Variants in LYRM4 observed in about 807,000 individuals in gnomAD.
LYRM4 encodes the protein LYR motif-containing protein 4.
A neutral mutation model predicts 11.7 loss-of-function variants in LYRM4; 9 were observed. The observed-to-expected ratio is 0.77, with a 90% CI of 0.46 to 1.34. The LOEUF is 1.34. Among genes scored for constraint, LYRM4 ranks in the 40% most tolerant of loss-of-function variants. The pLI is 0.00. For synonymous variants in LYRM4, 42 were observed against 40.4 expected, an observed-to-expected ratio of 1.04 and a Z score of -0.15; for missense variants, 133 against 112.5, an observed-to-expected ratio of 1.18 and a Z score of -0.82.
chr6:5,252,064 C>A (rs1309498264), intron 1 of LYRM4, among the ~76,000 whole-genome samples: 1 of 152,158 alleles, frequency 6.6e-6, no homozygotes, highest in Admixed American at 6.5e-5. Context: ...GTAAGCGAGA[C>A]CTGACGTTGA....
intron 2 of LYRM4, among the ~76,000 whole-genome samples, chr6:5,210,888 C>A (rs1463865600): frequency 6.6e-6 from 1 of 152,084 alleles, no homozygotes; most frequent in African/African-American, 2.4e-5. Context: ...TATGTATATA[C>A]TATATCCTGT....
downstream of LYRM4, among the ~76,000 whole-genome samples, chr6:5,101,104 T>A (rs1762486268): frequency 6.6e-6 from 1 of 152,140 alleles, no homozygotes; most frequent in Non-Finnish European, 1.5e-5. Flanking sequence ...TTCCCTTGCA[T>A]AGCAGCTCCC....
At chr6:5,069,314 T>C in the LYRM4 span, among the ~76,000 whole-genome samples, 1 of 151,938 alleles carries the variant, frequency 6.6e-6, no homozygotes, top group African/African-American at 2.4e-5. Context: ...AACTCAGATA[T>C]TGTAAAGATA....
chr6:5,189,697 C>T (rs934323166), intron 2 of LYRM4, among the ~76,000 whole-genome samples: 7 of 152,114 alleles, frequency 4.6e-5, no homozygotes, highest in Admixed American at 1.3e-4. Flanking sequence ...AATTTGTCTA[C>T]GATGCTAGCC....
At chr6:5,160,891 G>A (rs1758720555) in intron 2 of LYRM4, among the ~76,000 whole-genome samples, 1 of 152,130 alleles carries the variant, frequency 6.6e-6, no homozygotes, top group African/African-American at 2.4e-5. Flanking sequence ...GTGATGGGGA[G>A]CAAACGATTT....
intron 1 of LYRM4, among the ~76,000 whole-genome samples, chr6:5,250,439 A>G (rs756642961): frequency 1.2e-4 from 19 of 152,212 alleles, no homozygotes; most frequent in Non-Finnish European, 2.8e-4. Context: ...AATATCTTAA[A>G]TATTTTCTAC....
At chr6:5,087,715 G>T in the LYRM4 span, 1 of 152,402 alleles carries the variant, frequency 6.6e-6, no homozygotes, top group Non-Finnish European at 1.5e-5. Flanking sequence ...TCAGTGCTGC[G>T]CAGACGCAGA....
intron 2 of LYRM4, among the ~76,000 whole-genome samples, chr6:5,129,886 A>G (rs1329014152): frequency 6.6e-6 from 1 of 152,272 alleles, no homozygotes; most frequent in East Asian, 1.9e-4. Context: ...CAACAGGCCA[A>G]GTCAGAGAGA....
chr6:5,079,248 A>G, the LYRM4 span, among the ~76,000 whole-genome samples: 35 of 152,368 alleles, frequency 2.3e-4, no homozygotes, highest in Admixed American at 4.6e-4. Flanking sequence ...AAACTGTCAG[A>G]AAGTAACTAG....
At chr6:5,207,421 G>C (rs1330677036) in intron 2 of LYRM4, among the ~76,000 whole-genome samples, 1 of 152,148 alleles carries the variant, frequency 6.6e-6, no homozygotes, top group Non-Finnish European at 1.5e-5. Context: ...CACCACAGAG[G>C]GTGCAACACA....
intron 2 of LYRM4, among the ~76,000 whole-genome samples, chr6:5,212,368 C>T (rs1225722914): frequency 6.6e-6 from 1 of 152,204 alleles, no homozygotes; most frequent in Non-Finnish European, 1.5e-5. Context: ...TTTGCTGTTC[C>T]TGATGTAAAA....
intron 2 of LYRM4, among the ~76,000 whole-genome samples, chr6:5,165,539 CTATTTT>C (rs10543969): frequency 0.37 from 55,189 of 150,782 alleles, 10,975 homozygotes; most frequent in East Asian, 0.59. Flanking sequence ...TTTTTTTTTC[CTATTTT>C]TAATTTTTTT....
intron 1 of LYRM4, among the ~76,000 whole-genome samples, chr6:5,235,782 CT>C (rs35195247): frequency 0.049 from 7,468 of 152,244 alleles, 604 homozygotes; most frequent in African/African-American, 0.16. Flanking sequence ...AAGGTCTGTT[CT>C]TTTACCCCTG....
At chr6:5,107,436 G>GTGGT (rs1337743910), downstream of LYRM4, 1 of 152,202 alleles carries the variant, frequency 6.6e-6, no homozygotes, top group East Asian at 1.9e-4. Context: ...CGTTAGTAGC[G>GTGGT]TGGTTGGATG....
chr6:5,108,781 G>A lies in LYRM4; in HGVS notation c.*642C>T, dbSNP rs1351894816. On this transcript the variant is annotated 3_prime_UTR_variant, in exon 3 of 3. Coordinates refer to ENST00000330636, the MANE Select transcript of LYRM4 (RefSeq NM_020408.6). ...CATTTCCAGCAAATTCCCAGGTGGG[G>A]CTGAGGTTGCTGATCTGCAGTGCTC... 2.0e-6 allele frequency: 2 copies of A among 985,624 alleles called. No homozygotes were observed. The highest frequency in any genetic ancestry group is 2.4e-6 in the Non-Finnish European group (2 of 829,830). 61.1% of individuals were successfully genotyped at this position (985,624 alleles called of 1,614,324 possible).
At chr6:5,048,348 C>G in the LYRM4 span, among the ~76,000 whole-genome samples, 147 of 150,248 alleles carry the variant, frequency 9.8e-4, no homozygotes, top group South Asian at 5.3e-3. Context: ...GAGGCTCCCT[C>G]TCTGTTGCCC....
the LYRM4 span, among the ~76,000 whole-genome samples, chr6:5,061,960 C>T: frequency 6.6e-5 from 10 of 152,198 alleles, no homozygotes; most frequent in East Asian, 1.9e-4. Flanking sequence ...CTGGTACTTT[C>T]GTACCACCTC....
chr6:5,145,095 C>T (rs191148133), intron 2 of LYRM4, among the ~76,000 whole-genome samples: 7 of 152,326 alleles, frequency 4.6e-5, no homozygotes, highest in East Asian at 1.9e-4. Flanking sequence ...CAGAGAACAA[C>T]GGGCACATCC....
intron 1 of LYRM4, among the ~76,000 whole-genome samples, chr6:5,239,250 G>A (rs900160151): frequency 6.6e-6 from 1 of 152,178 alleles, no homozygotes; most frequent in Admixed American, 6.5e-5. Context: ...GTAAAGTAAG[G>A]GGAGAAAGTG....
Sources: gnomAD v4.1 joint callset for allele counts (sites outside exome capture counted in the v4.1 genomes callset) on GRCh38, gnomAD v4.1.1 for gene constraint, MANE v1.5 for transcripts, NCBI Gene and HGNC (gene_info 2026-07-23, HGNC 2026-07-21) for gene names.